The following P3H2 variants were observed in gnomAD, a reference collection of about 807,000 sequenced individuals.
P3H2 encodes the protein prolyl 3-hydroxylase 2.
A neutral mutation model predicts 87.0 loss-of-function variants in P3H2; 80 were observed. The observed-to-expected ratio is 0.92, with a 90% confidence interval of 0.77 to 1.11. The LOEUF is 1.11. P3H2 is among the 50% of genes least tolerant of loss of function. The probability of loss-of-function intolerance (pLI) is 0.00; values close to 1 mark genes in which losing one functional copy is unlikely to be tolerated. For synonymous variants in P3H2, 367 were observed against 359.3 expected, an observed-to-expected ratio of 1.02 and a Z score of -0.24; for missense variants, 1,001 against 923.9, an observed-to-expected ratio of 1.08 and a Z score of -1.08.
At chr3:190,111,765 T>C (rs1277191041) in intron 1 of P3H2, among the ~76,000 whole-genome samples, 4 of 152,200 alleles carry the variant, frequency 2.6e-5, no homozygotes, top group African/African-American at 9.7e-5. Context: ...ACAGAAAATT[T>C]TGTACAGAAT....
intron 1 of P3H2, among the ~76,000 whole-genome samples, chr3:190,088,981 A>G (rs760446010): frequency 6.6e-6 from 1 of 152,190 alleles, no homozygotes; most frequent in Non-Finnish European, 1.5e-5. Context: ...AGAGGGAACA[A>G]GAAATAGACC....
At chr3:189,992,321 C>T (rs1315689177) in intron 3 of P3H2, among the ~76,000 whole-genome samples, 1 of 152,080 alleles carries the variant, frequency 6.6e-6, no homozygotes, top group Non-Finnish European at 1.5e-5. Context: ...GTCTCAAACT[C>T]CTGAGCTCAT....
Position 189,993,822 on chromosome 3 carries a change from T to A in P3H2, c.823+272A>T, listed in dbSNP as rs1374920. 0.77 allele frequency among the ~76,000 whole-genome samples: 116,587 copies of A among 151,820 alleles called. 45,098 individuals are homozygous for A. Among genetic ancestry groups the A allele is most frequent in the East Asian group, 0.93 (4,839 of 5,178 alleles). On this transcript the variant is annotated intron_variant, in intron 3 of 14. Transcript: ENST00000319332. ...ATAAAACAACAAAAGTTGAAAAACA[T>A]TATATATAGTATTGTCCTATTTTAT... is the stretch of plus-strand genomic sequence containing the variant.
chr3:190,023,516 C>T (rs1406408209), intron 1 of P3H2, among the ~76,000 whole-genome samples: 1 of 152,034 alleles, frequency 6.6e-6, no homozygotes, highest in East Asian at 1.9e-4. Context: ...CGGGTAGAGC[C>T]CCTTATAAAA....
intron 1 of P3H2, among the ~76,000 whole-genome samples, chr3:190,114,952 C>T (rs1278235380): frequency 1.3e-5 from 2 of 152,122 alleles, no homozygotes; most frequent in East Asian, 3.8e-4. Context: ...ATGCACTTGT[C>T]TGGGTTTTCA....
rs1054783782 is a variant in P3H2 at position 189,998,847 on chromosome 3, T to G, written c.481-3405A>C. 1.2e-4 allele frequency among the ~76,000 whole-genome samples: 19 copies of G among 152,098 alleles called. 1 individual carries two copies. The highest frequency in any genetic ancestry group is 2.5e-4 in the Non-Finnish European group (17 of 68,018). On this transcript the variant is annotated intron_variant, in intron 1 of 14. Coordinates refer to ENST00000319332, the MANE Select transcript of P3H2 (RefSeq NM_018192.4). ...TGGGTTGCAGGGATAGTTTCAGAATTAAACTGTTCCACCTAAGATCATCAC... is the reference window on the plus strand; with the variant it reads ...TGGGTTGCAGGGATAGTTTCAGAATGAAACTGTTCCACCTAAGATCATCAC...
intron 14 of P3H2, among the ~76,000 whole-genome samples, chr3:189,959,405 C>CT (rs1364886287): frequency 1.8e-5 from 2 of 108,370 alleles, no homozygotes; most frequent in South Asian, 4.2e-4. Context: ...TCCCTCCCCC[C>CT]TCCCCCCACC....
intron 1 of P3H2, among the ~76,000 whole-genome samples, chr3:190,098,403 T>C (rs1007852921): frequency 5.3e-5 from 8 of 152,030 alleles, no homozygotes; most frequent in Admixed American, 3.3e-4. Context: ...AGAGATGAGG[T>C]CTGAAAGTGA....
chr3:190,112,320 G>A (rs1712100783), intron 1 of P3H2, among the ~76,000 whole-genome samples: 1 of 152,180 alleles, frequency 6.6e-6, no homozygotes, highest in Admixed American at 6.5e-5. Context: ...CATTAATGTG[G>A]CAGACGGGCA....
intron 7 of P3H2, among the ~76,000 whole-genome samples, chr3:189,983,667 C>T (rs898223996): frequency 2.6e-5 from 4 of 152,076 alleles, no homozygotes; most frequent in Admixed American, 6.5e-5. Flanking sequence ...TTGGATCTCT[C>T]GAAATAATTT....
intron 1 of P3H2, among the ~76,000 whole-genome samples, chr3:190,077,193 G>A (rs746152880): frequency 6.6e-5 from 10 of 152,248 alleles, no homozygotes; most frequent in African/African-American, 1.4e-4. Flanking sequence ...CCCTCCATCC[G>A]ACATGTTCTC....
intron 1 of P3H2, among the ~76,000 whole-genome samples, chr3:190,114,739 TAA>T (rs1204252980): frequency 6.6e-6 from 1 of 152,160 alleles, no homozygotes; most frequent in Non-Finnish European, 1.5e-5. Context: ...GTTCAGTTGT[TAA>T]AGAGAGGGGG....
Position 190,116,862 on chromosome 3 carries a change from T to C in P3H2, c.480+3390A>G, listed in dbSNP as rs539246007. On this transcript the variant is annotated intron_variant, in intron 1 of 14. Coordinates refer to ENST00000319332, the MANE Select transcript of P3H2 (RefSeq NM_018192.4). ...ATGGCTAGGAGCCACGTGAAACTAC[T>C]GCCTCATAGCTGTCTAGGCAAATTC... 3.3e-5 allele frequency among the ~76,000 whole-genome samples: 5 copies of C among 152,368 alleles called. No homozygotes were observed. In the South Asian group the frequency reaches 1.0e-3, roughly 32 times the overall value.
At chr3:190,058,410 G>C (rs368988627) in intron 1 of P3H2, among the ~76,000 whole-genome samples, 2 of 152,082 alleles carry the variant, frequency 1.3e-5, no homozygotes, top group African/African-American at 4.8e-5. Context: ...AAAACAAGGC[G>C]AAAACTACGG....
intron 1 of P3H2, among the ~76,000 whole-genome samples, chr3:190,035,370 C>T (rs1725387401): frequency 6.6e-6 from 1 of 152,026 alleles, no homozygotes; most frequent in Admixed American, 6.6e-5. Flanking sequence ...CCCAACCTGC[C>T]TCAGTATATT....
chr3:190,101,622 G>GA (rs1214095316), intron 1 of P3H2, among the ~76,000 whole-genome samples: 6 of 151,826 alleles, frequency 4.0e-5, no homozygotes, highest in Non-Finnish European at 7.4e-5. Context: ...GAAGCAAGCA[G>GA]AAGTTGGTTC....
At chr3:189,987,178 A>G (rs928904228) in intron 5 of P3H2, among the ~76,000 whole-genome samples, 2 of 152,220 alleles carry the variant, frequency 1.3e-5, no homozygotes, top group African/African-American at 4.8e-5. Flanking sequence ...ATGCAGAATC[A>G]AGAATTTCTT....
At chr3:190,005,330 G>C (rs1724355156) in intron 1 of P3H2, among the ~76,000 whole-genome samples, 1 of 152,204 alleles carries the variant, frequency 6.6e-6, no homozygotes, top group Non-Finnish European at 1.5e-5. Flanking sequence ...TGTTTCCTGA[G>C]TAGACTGCAT....
chr3:189,965,276 G>C (rs3773931), intron 13 of P3H2, among the ~76,000 whole-genome samples: 3 of 151,954 alleles, frequency 2.0e-5, no homozygotes, highest in Admixed American at 6.6e-5. Flanking sequence ...AGGTACTCCC[G>C]GACTACGTGA....
Sources: allele counts gnomAD v4.1 joint callset (sites outside exome capture counted in the v4.1 genomes callset), GRCh38; gene constraint gnomAD v4.1.1; transcripts MANE v1.5; gene names NCBI Gene and HGNC (gene_info 2026-07-23, HGNC 2026-07-21).